Variants in HRH1 observed in about 807,000 individuals in gnomAD.
HRH1 encodes the protein histamine H1 receptor.
In HRH1, 6 loss-of-function variants were observed where a neutral mutation model predicts 10.3. The observed-to-expected ratio is 0.58, with a 90% CI of 0.32 to 1.15. The LOEUF is 1.15. Among genes scored for constraint, HRH1 ranks in the 50% most tolerant of loss-of-function variants. HRH1 has a pLI of 0.05. For missense variants in HRH1, 514 were observed against 615.3 expected (o/e 0.84, Z 1.74); for synonymous variants, 242 against 236.7 (o/e 1.02, Z -0.21).
chr3:11,237,588 G>T (rs143463929), intron 1 of HRH1, among the ~76,000 whole-genome samples: 2 of 140,138 alleles, frequency 1.4e-5, no homozygotes, highest in Non-Finnish European at 3.3e-5. Flanking sequence ...TTAAACGATT[G>T]AGGATTAAAC....
intron 1 of HRH1, among the ~76,000 whole-genome samples, chr3:11,200,713 A>C (rs927051462): frequency 6.6e-6 from 1 of 152,162 alleles, no homozygotes; most frequent in African/African-American, 2.4e-5. Context: ...ATTAATATTA[A>C]TATATGACCA....
At position 11,262,469 on chromosome 3, in the gene HRH1, T is replaced by C. The variant is rs917531654; in HGVS notation, c.*1968T>C. On this transcript the variant is annotated 3_prime_UTR_variant, in exon 2 of 2. Transcript: ENST00000431010. ...TTTTTGTAAAAAGCTTCATTCTCAC[T>C]CTGCTTTGCATCCCCCAAACTTCTT... 2 of 167,106 alleles carry C rather than the reference T, an allele frequency of 1.2e-5. No homozygotes were observed. Among genetic ancestry groups the C allele is most frequent in the Non-Finnish European group, 2.9e-5 (2 of 68,120 alleles). 10.4% of individuals were successfully genotyped at this position (167,106 alleles called of 1,614,324 possible). A position where few individuals can be genotyped will look rare whatever the true frequency, so the allele number is the denominator to read the frequency against.
In HRH1 at chr3:11,168,739, G is replaced by A. The variant is rs1937097144; in HGVS notation, c.-36+14185G>A. Among the ~76,000 whole-genome samples the A allele has an allele frequency of 2.0e-5, 3 of 152,222 alleles. No homozygotes were observed. The South Asian group carries it at 6.2e-4, about 31-fold the overall frequency. ...GTACTCCTGCTGTGAGGAACCCCAGGGCTGGGGGTGCGGGCTGTATGTAAA... is the reference window on the plus strand; with the variant it reads ...GTACTCCTGCTGTGAGGAACCCCAGAGCTGGGGGTGCGGGCTGTATGTAAA... On this transcript the variant is annotated intron_variant, in intron 1 of 1. Transcript: ENST00000431010.
rs1936747714 is a variant in HRH1, at chr3:11,154,851, T to C, written c.-36+297T>C. Among the ~76,000 whole-genome samples the C allele has an allele frequency of 6.6e-6, 1 of 152,042 alleles. No homozygotes were observed. The highest frequency in any genetic ancestry group is 1.5e-5 in the Non-Finnish European group (1 of 67,992). On this transcript the variant is annotated intron_variant, in intron 1 of 1. Transcript: ENST00000431010. The surrounding 1 kb of genome is among the most constrained non-coding windows in gnomAD (Gnocchi z 4.4). ...GCAGGGTGCGCGCCCTGAGCGTCCG[T>C]CTTTGAGCTCGGGCGAGCAGAGGGG...
At chr3:11,200,085 T>C (rs1937844326) in intron 1 of HRH1, among the ~76,000 whole-genome samples, 1 of 152,138 alleles carries the variant, frequency 6.6e-6, no homozygotes, top group Non-Finnish European at 1.5e-5. Context: ...GAGAGAAAGA[T>C]CCTTGGATAT....
chr3:11,249,821 G>A (rs1300982987), intron 1 of HRH1, among the ~76,000 whole-genome samples: 1 of 152,132 alleles, frequency 6.6e-6, no homozygotes, highest in Non-Finnish European at 1.5e-5. Flanking sequence ...ATTGATCCCG[G>A]TTAACAGATT....
rs1489895480 is a variant in HRH1 at position 11,259,727 on chromosome 3, C to T, written c.690C>T (p.Ser230=). The part of the protein sequence containing the change: ...HCQHRELINR[S]LPSFSEIKLR... ...AGCACCGGGAGCTCATCAATAGGTC[C>T]CTCCCTTCCTTCTCAGAAATTAAGC... Residue 230 remains serine (S), a synonymous_variant, in exon 2 of 2, where the codon TCC becomes TCT. Transcript: ENST00000431010. This position sits in a 1 kb window ranked among gnomAD's most constrained non-coding sequence, Gnocchi z 4.6. The T allele has an allele frequency of 6.2e-7, 1 of 1,613,886 alleles. No individual in the cohort carries two copies. Among genetic ancestry groups the T allele is most frequent in the African/African-American group, 1.3e-5 (1 of 74,906 alleles).
chr3:11,210,352 G>A (rs1268066695), intron 1 of HRH1, among the ~76,000 whole-genome samples: 4 of 151,972 alleles, frequency 2.6e-5, no homozygotes, highest in Non-Finnish European at 5.9e-5. Context: ...TATTGAACGT[G>A]CCAGTGTATC....
rs144042305 is a variant in HRH1, at chr3:11,213,923, A to G, written c.-35-45080A>G. 2.3e-3 allele frequency among the ~76,000 whole-genome samples: 344 copies of G among 152,328 alleles called. 2 individuals are homozygous for G. Among genetic ancestry groups the G allele is most frequent in the African/African-American group, 7.3e-3 (303 of 41,584 alleles). On this transcript the variant is annotated intron_variant, in intron 1 of 1. Coordinates refer to ENST00000431010, the MANE Select transcript of HRH1 (RefSeq NM_001098212.2). ...AGGTGCTTCCAAAGGACTATCACGT[A>G]AAGAGATGGCAGGTTTTCTACCCAG... is the stretch of plus-strand genomic sequence containing the variant.
chr3:11,165,565 G>A (rs942395203), intron 1 of HRH1, among the ~76,000 whole-genome samples: 7 of 152,168 alleles, frequency 4.6e-5, no homozygotes, highest in Non-Finnish European at 1.0e-4. Context: ...CAAACTTTGA[G>A]GAAGTTTCAG....
At chr3:11,182,694 T>C (rs1159188132) in intron 1 of HRH1, among the ~76,000 whole-genome samples, 2 of 152,182 alleles carry the variant, frequency 1.3e-5, no homozygotes, top group Non-Finnish European at 2.9e-5. Context: ...TGTATGAAGC[T>C]TCTCCAGTGT....
intron 1 of HRH1, among the ~76,000 whole-genome samples, chr3:11,192,582 G>A (rs963278902): frequency 6.6e-6 from 1 of 152,068 alleles, no homozygotes; most frequent in Non-Finnish European, 1.5e-5. Context: ...TAGGTCACAG[G>A]CACTTGTTTT....
In HRH1 at chr3:11,261,065, A is replaced by G. The variant is rs2152591387; in HGVS notation, c.*564A>G. The G allele has an allele frequency of 6.0e-6, 1 of 167,298 alleles. No individual in the cohort carries two copies. Among genetic ancestry groups the G allele is most frequent in the South Asian group, 2.1e-4 (1 of 4,828 alleles). The allele number at this position is 167,298 out of a possible 1,614,324, so 10.4% of individuals were successfully genotyped here. On this transcript the variant is annotated 3_prime_UTR_variant, in exon 2 of 2. Coordinates refer to ENST00000431010, the MANE Select transcript of HRH1 (RefSeq NM_001098212.2). ...CCACAGGGGCTATCCCTTCTCAGAA[A>G]ACTTCTCTTCTGAGCCTCTTTAACA...
At chr3:11,144,557 G>A (rs1050674549) in intron 1 of HRH1, among the ~76,000 whole-genome samples, 5 of 119,584 alleles carry the variant, frequency 4.2e-5, no homozygotes, top group South Asian at 2.7e-4. Context: ...ATAAAATCGT[G>A]TCTTTTGCAG....
At chr3:11,204,548 G>A (rs776853977) in intron 1 of HRH1, among the ~76,000 whole-genome samples, 16 of 152,112 alleles carry the variant, frequency 1.1e-4, no homozygotes, top group Non-Finnish European at 1.5e-4. Flanking sequence ...ATAAGCTGAC[G>A]CTCACTGAAT....
rs1380453828 is a variant in HRH1, at chr3:11,259,529, C to G, written c.492C>G (p.Gly164=). 3 of 1,613,942 alleles carry G rather than the reference C, an allele frequency of 1.9e-6. No homozygotes were observed. The highest frequency in any genetic ancestry group is 1.6e-4 in the Middle Eastern group (1 of 6,084). Residue 164 remains glycine, a synonymous_variant, in exon 2 of 2, where the codon GGC becomes GGG. Coordinates refer to ENST00000431010, the MANE Select transcript of HRH1 (RefSeq NM_001098212.2). This position sits in a 1 kb window ranked among gnomAD's most constrained non-coding sequence, Gnocchi z 4.6. ...LSFLWVIPIL[G]WNHFMQQTSV... ...TTCTGTGGGTTATTCCCATTCTAGG[C>G]TGGAATCACTTCATGCAGCAGACCT...
intron 1 of HRH1, among the ~76,000 whole-genome samples, chr3:11,246,169 G>A (rs886161261): frequency 2.0e-5 from 3 of 151,970 alleles, no homozygotes; most frequent in South Asian, 2.1e-4. Flanking sequence ...AGCAAGCAGC[G>A]GAGCAAGGGT....
At chr3:11,194,768 T>C (rs779792669) in intron 1 of HRH1, among the ~76,000 whole-genome samples, 9 of 152,196 alleles carry the variant, frequency 5.9e-5, no homozygotes, top group Non-Finnish European at 1.2e-4. Flanking sequence ...TGAGCTGAGA[T>C]TGTGTCATTG....
intron 1 of HRH1, among the ~76,000 whole-genome samples, chr3:11,156,127 G>A (rs952735659): frequency 6.6e-6 from 1 of 152,226 alleles, no homozygotes; most frequent in Non-Finnish European, 1.5e-5. Flanking sequence ...ACTGCTCACA[G>A]GAATCCTGGA....
Sources: allele counts gnomAD v4.1 joint callset (sites outside exome capture counted in the v4.1 genomes callset), GRCh38; gene constraint gnomAD v4.1.1; non-coding constraint Gnocchi (gnomAD v3.1); transcripts MANE v1.5; gene names NCBI Gene and HGNC (gene_info 2026-07-23, HGNC 2026-07-21).